The following MYO15A variants were observed in gnomAD, a reference collection of about 807,000 sequenced individuals.
MYO15A encodes the protein myosin XVA.
MYO15A carries 308 observed loss-of-function variants against 394.6 expected under a neutral mutation model. The observed-to-expected ratio is 0.78, with a 90% confidence interval of 0.71 to 0.86. The LOEUF (loss-of-function observed/expected upper bound fraction) is 0.86, where lower values mean the gene tolerates loss of function less well. Among genes scored for constraint, MYO15A ranks in the 40% least tolerant of loss-of-function variants. The pLI is 0.00. For missense variants in MYO15A, 4,606 were observed against 4,799.1 expected, an observed-to-expected ratio of 0.96 and a Z score of 1.19; for synonymous variants, 1,957 against 2,003.8, an observed-to-expected ratio of 0.98 and a Z score of 0.62.
Position 18,122,233 on chromosome 17 carries a change from C to T in MYO15A, c.3433C>T (p.Pro1145Ser), listed in dbSNP as rs773409705. 1.7e-5 allele frequency: 27 copies of T among 1,613,214 alleles called. No individual in the cohort carries two copies. In the South Asian group the frequency reaches 3.0e-4, roughly 18 times the overall value. Reference sequence around the variant, plus strand: ...GCCTCAAGTCCAGCCCATTCAGGACCCCAAGCCAAGAGCCTGTAGTCTTCG... The same window carrying T: ...GCCTCAAGTCCAGCCCATTCAGGACTCCAAGCCAAGAGCCTGTAGTCTTCG... ...LKPQVQPIQD[P>S]KPRACSLRWS... The change falls in exon 2 of 66, where the codon CCC (proline) becomes TCC (serine). Residue 1145 changes from proline (P) to serine (S), a missense_variant. Transcript: ENST00000647165.
intron 51 of MYO15A, 78 bp from the exon 52 acceptor site, chr17:18,158,445 G>T: frequency 7.7e-7 from 1 of 1,300,196 alleles, no homozygotes; most frequent in South Asian, 1.2e-5. Flanking sequence ...TCAGCTAGGG[G>T]TTGCGTTGTC....
rs766940590 is a variant in MYO15A, at chr17:18,172,393, T to C, written c.10350+103T>C. 5.3e-6 allele frequency: 8 copies of C among 1,502,208 alleles called. No individual in the cohort carries two copies. The Admixed American group carries it at 1.4e-4, about 27-fold the overall frequency. The allele number at this position is 1,502,208 out of a possible 1,614,324, so 93.1% of individuals were successfully genotyped here. A position where few individuals can be genotyped will look rare whatever the true frequency, so the allele number is the denominator to read the frequency against. On this transcript the variant is annotated intron_variant, in intron 64 of 65. Coordinates refer to ENST00000647165, the MANE Select transcript of MYO15A (RefSeq NM_016239.4). ...TCCAGCCGCCGAAGCCCAGTTCCAC[T>C]GCTTACCACCTTCATGATCTCAGGC...
intron 28 of MYO15A, 36 bp downstream of exon 28, chr17:18,144,036 A>G: frequency 6.2e-7 from 1 of 1,612,510 alleles, no homozygotes; most frequent in Non-Finnish European, 8.5e-7. Context: ...TCCCTGGCTG[A>G]TAGGCGCTGA....
chr17:18,132,321 C>A lies in MYO15A; in HGVS notation c.4207-132C>A. ...ACCAGGCTGGGAGCCTCACCCATCA[C>A]AGAGGCGCGTGTTCTCATCTGCAGC... is the stretch of plus-strand genomic sequence containing the variant. On this transcript the variant is annotated intron_variant, in intron 10 of 65. Transcript: ENST00000647165. The surrounding 1 kb of genome is among the most constrained non-coding windows in gnomAD (Gnocchi z 4.6). 1 of 718,044 alleles carries A rather than the reference C, an allele frequency of 1.4e-6. No homozygotes were observed. Among genetic ancestry groups the A allele is most frequent in the East Asian group, 2.7e-5 (1 of 37,222 alleles). 44.5% of individuals were successfully genotyped at this position (718,044 alleles called of 1,614,324 possible).
chr17:18,178,931 T>A lies in MYO15A; in HGVS notation c.*61T>A. 6 of 1,522,592 alleles carry A rather than the reference T, an allele frequency of 3.9e-6. No individual in the cohort carries two copies. Among genetic ancestry groups the A allele is most frequent in the Non-Finnish European group, 5.4e-6 (6 of 1,110,612 alleles). The allele number at this position is 1,522,592 out of a possible 1,614,324, so 94.3% of individuals were successfully genotyped here. On this transcript the variant is annotated 3_prime_UTR_variant, in exon 66 of 66. Transcript: ENST00000647165. ...GACTCACTGTGTGGCCTCAGAGAAA[T>A]CACTGAACCTCTCAGGATCAATGAC...
In MYO15A at chr17:18,167,603, A is replaced by C. The variant is rs748035055; in HGVS notation, c.9962A>C (p.Tyr3321Ser). ...TGCTCCCTGCAGGTCCTGCCTGACT[A>C]CCTGAAGGGACTCTTCAGCAGTGTG... ...TMHYNQVLPDYLKGLFSSVPA... is the reference protein window; with the variant it reads ...TMHYNQVLPDSLKGLFSSVPA... The change falls in exon 62 of 66, where the codon TAC (tyrosine) becomes TCC (serine). Residue 3321 changes from tyrosine (Y) to serine (S), a missense_variant. Physicochemically the swap from Tyr to Ser is moderately radical, Grantham distance 144 (BLOSUM62 -2). Coordinates refer to ENST00000647165, the MANE Select transcript of MYO15A (RefSeq NM_016239.4). 1 of 1,602,776 alleles carries C rather than the reference A, an allele frequency of 6.2e-7. No individual in the cohort carries two copies. The highest frequency in any genetic ancestry group is 8.5e-7 in the Non-Finnish European group (1 of 1,179,874).
rs918738646 is a variant in MYO15A at position 18,153,162 on chromosome 17, G to A, written c.7967-613G>A. On this transcript the variant is annotated intron_variant, in intron 42 of 65. Coordinates refer to ENST00000647165, the MANE Select transcript of MYO15A (RefSeq NM_016239.4). The surrounding 1 kb of genome is among the most constrained non-coding windows in gnomAD (Gnocchi z 4.1). The stretch of plus-strand genomic sequence containing the variant: ...CTCACGCCTGTAATCCCAGCACTTT[G>A]GGAGTCCGAGGCGGGCGGATCACAA... Among the ~76,000 whole-genome samples, 6 of 152,186 alleles carry A rather than the reference G, an allele frequency of 3.9e-5. No individual in the cohort carries two copies. Among genetic ancestry groups the A allele is most frequent in the Non-Finnish European group, 5.9e-5 (4 of 68,026 alleles).
In MYO15A at chr17:18,153,298, G is replaced by A. The variant is rs1170072494; in HGVS notation, c.7967-477G>A. The stretch of plus-strand genomic sequence containing the variant: ...GCACATCCAATAGGTGTTTTTATGT[G>A]TTGAATGAAAGGCTGGGTCATATGT... On this transcript the variant is annotated intron_variant, in intron 42 of 65. Transcript: ENST00000647165. This position sits in a 1 kb window ranked among gnomAD's most constrained non-coding sequence, Gnocchi z 4.1. 6.6e-6 allele frequency: 1 copy of A among 152,618 alleles called. No individual in the cohort carries two copies. Among genetic ancestry groups the A allele is most frequent in the Non-Finnish European group, 1.5e-5 (1 of 68,374 alleles). The allele number at this position is 152,618 out of a possible 1,614,324, so 9.5% of individuals were successfully genotyped here.
chr17:18,125,633 A>C (rs1297132190), intron 4 of MYO15A: 2 of 240,244 alleles, frequency 8.3e-6, no homozygotes, highest in East Asian at 1.1e-4. Flanking sequence ...GAACCCCAGG[A>C]GGCAGAGCTT....
In MYO15A at chr17:18,163,789, A is replaced by G; in HGVS notation, c.9738A>G (p.Thr3246=). 6.2e-7 allele frequency: 1 copy of G among 1,614,070 alleles called. No individual in the cohort carries two copies. The highest frequency in any genetic ancestry group is 8.5e-7 in the Non-Finnish European group (1 of 1,179,982). Residue 3246 remains threonine, a synonymous_variant, in exon 60 of 66, where the codon ACA becomes ACG. Transcript: ENST00000647165. ...AGATATGTGCTGAGATGGCTCTGACACGCCCTGAGGCCTTCAATGAATATG... is the reference window on the plus strand; with the variant it reads ...AGATATGTGCTGAGATGGCTCTGACGCGCCCTGAGGCCTTCAATGAATATG... ...VEEICAEMAL[T]RPEAFNEYVI... is the part of the protein sequence containing the mutation.
intron 4 of MYO15A, among the ~76,000 whole-genome samples, chr17:18,125,792 AC>A (rs200909425): frequency 0.011 from 1,591 of 149,048 alleles, 29 homozygotes; most frequent in African/African-American, 0.037. Flanking sequence ...AATATGTGAC[AC>A]CCCCACCATC....
chr17:18,120,184 G>C lies in MYO15A; in HGVS notation c.1384G>C (p.Gly462Arg). The C allele has an allele frequency of 1.2e-6, 2 of 1,612,914 alleles. No homozygotes were observed. The highest frequency in any genetic ancestry group is 1.7e-6 in the Non-Finnish European group (2 of 1,179,998). Residue 462 changes from glycine (G) to arginine (R), a missense_variant, in exon 2 of 66, where the codon GGC (glycine) becomes CGC (arginine). Physicochemically the swap from Gly to Arg is moderately radical, Grantham distance 125. Transcript: ENST00000647165. ...CAGCGCCGCCTTCTTCGAGCAGCAA[G>C]GCATGGATAAGCCCGCCAGGTCCAA... Reference protein sequence around the residue: ...LPSAAFFEQQGMDKPARSKLS... With the variant: ...LPSAAFFEQQRMDKPARSKLS...
In MYO15A at chr17:18,167,726, G is replaced by T; in HGVS notation, c.10082+3G>T. The T allele has an allele frequency of 6.2e-7, 1 of 1,602,696 alleles. No individual in the cohort carries two copies. The highest frequency in any genetic ancestry group is 1.1e-5 in the South Asian group (1 of 91,068). ...GACCACTTCTACCTGCCGAGCGTGT[G>T]AGCATCTGCCCTCCTGCCTCAGCTG... On this transcript the variant is annotated splice_donor_region_variant and intron_variant, in intron 62 of 65. Coordinates refer to ENST00000647165, the MANE Select transcript of MYO15A (RefSeq NM_016239.4).
Position 18,153,605 on chromosome 17 carries a change from G to A in MYO15A, c.7967-170G>A. On this transcript the variant is annotated intron_variant, in intron 42 of 65. Coordinates refer to ENST00000647165, the MANE Select transcript of MYO15A (RefSeq NM_016239.4). This position sits in a 1 kb window ranked among gnomAD's most constrained non-coding sequence, Gnocchi z 4.1. ...CCCAGCTACTCAGGAGGCTGAGGCA[G>A]GAGAATCGCTTGAACCCAGGAGGCG... 1.8e-6 allele frequency: 1 copy of A among 543,110 alleles called. No homozygotes were observed. The highest frequency in any genetic ancestry group is 2.6e-6 in the Non-Finnish European group (1 of 391,104). 33.6% of individuals were successfully genotyped at this position (543,110 alleles called of 1,614,324 possible). A position where few individuals can be genotyped will look rare whatever the true frequency, so the allele number is the denominator to read the frequency against.
At position 18,157,860 on chromosome 17, in the gene MYO15A, C is replaced by G. The variant is rs781751572; in HGVS notation, c.8927C>G (p.Ala2976Gly). Residue 2976 changes from alanine to glycine, a missense_variant, in exon 51 of 66, where the codon GCC becomes GGC. Physicochemically the swap from Ala to Gly is moderately conservative, Grantham distance 60. This residue lies in a region of MYO15A where 2,776 missense variants were observed against 3,109.3 expected (regional missense o/e 0.89). Transcript: ENST00000647165. ...GCAGCCGCCGTGGCCGCTGCTGTGG[C>G]CTCTGCAGCCGCTGCACAGGAGGTG... Reference protein sequence around the residue: ...GRAAAVAAAVASAAAAQEVGR... With the variant: ...GRAAAVAAAVGSAAAAQEVGR... 1 of 1,574,848 alleles carries G rather than the reference C, an allele frequency of 6.3e-7. No individual in the cohort carries two copies. Among genetic ancestry groups the G allele is most frequent in the Non-Finnish European group, 8.6e-7 (1 of 1,167,524 alleles).
chr17:18,166,520 A>C lies in MYO15A; in HGVS notation c.9947A>C (p.Gln3316Pro). 2 of 1,612,770 alleles carry C rather than the reference A, an allele frequency of 1.2e-6. No homozygotes were observed. The highest frequency in any genetic ancestry group is 1.7e-6 in the Non-Finnish European group (2 of 1,180,028). ...CTATATGTGACCATGCACTACAACC[A>C]GGTCAGCACACGTAGGCTTCTCTGG... ...NELYVTMHYN[Q>P]VLPDYLKGLF... is the part of the protein sequence containing the mutation. Residue 3316 changes from glutamine to proline, a missense_variant and splice_region_variant, in exon 61 of 66, where the codon CAG becomes CCG. Physicochemically the swap from Gln to Pro is moderately conservative, Grantham distance 76. Transcript: ENST00000647165.
intron 7 of MYO15A, among the ~76,000 whole-genome samples, chr17:18,129,577 C>T (rs1319619259): frequency 1.3e-5 from 2 of 152,178 alleles, no homozygotes; most frequent in Non-Finnish European, 2.9e-5. Context: ...TGCTTCTTCC[C>T]TAAAAGATTA....
chr17:18,140,990 G>T (rs998603262), intron 21 of MYO15A, 29 bp from the exon 22 acceptor site: 1 of 1,613,510 alleles, frequency 6.2e-7, no homozygotes, highest in South Asian at 1.1e-5. Context: ...GAGCCAATGT[G>T]CAGACTCCCT....
chr17:18,178,595 G>A (rs550600525), intron 65 of MYO15A, 174 bp from the exon 66 acceptor site: 18 of 711,336 alleles, frequency 2.5e-5, no homozygotes, highest in Admixed American at 8.0e-5. Flanking sequence ...CCCACCATTC[G>A]GCCTTCCAGC....
Sources: gnomAD v4.1 joint callset for allele counts (sites outside exome capture counted in the v4.1 genomes callset) on GRCh38, gnomAD v4.1.1 for gene constraint, gnomAD v4.1.1 regional missense constraint, Gnocchi (gnomAD v3.1) non-coding constraint, MANE v1.5 for transcripts, NCBI Gene and HGNC (gene_info 2026-07-23, HGNC 2026-07-21) for gene names.